The following DPP10 variants were observed in gnomAD, a reference collection of about 807,000 sequenced individuals.
DPP10 encodes the protein inactive dipeptidyl peptidase 10.
Under a neutral mutation model 120.9 loss-of-function variants are expected in DPP10, and 33 were observed. That is an observed-to-expected ratio of 0.27 (90% CI 0.21 to 0.37). The LOEUF is 0.37. DPP10 is among the 10% of genes least tolerant of loss of function. DPP10 has a pLI of 1.00. For missense variants in DPP10, 816 were observed against 942.8 expected (o/e 0.87, Z 1.76); for synonymous variants, 337 against 326.1 (o/e 1.03, Z -0.36).
chr2:114,509,937 T>TA (rs908521565), intron 1 of DPP10, among the ~76,000 whole-genome samples: 17 of 152,210 alleles, frequency 1.1e-4, no homozygotes, highest in African/African-American at 4.1e-4. Flanking sequence ...CACATGACTT[T>TA]AAAAAAATGT....
chr2:114,807,306 C>T (rs780757987), intron 1 of DPP10, among the ~76,000 whole-genome samples: 18 of 151,990 alleles, frequency 1.2e-4, no homozygotes, highest in Admixed American at 5.3e-4. Flanking sequence ...TTGGGGGGTA[C>T]GTCTTACATT....
At chr2:115,131,370 A>C (rs1454931794) in intron 1 of DPP10, among the ~76,000 whole-genome samples, 1 of 152,048 alleles carries the variant, frequency 6.6e-6, no homozygotes, top group East Asian at 1.9e-4. Context: ...AAAATTAGCC[A>C]GGCATATTGA....
chr2:114,903,535 G>A (rs146413334), intron 1 of DPP10, among the ~76,000 whole-genome samples: 1,661 of 152,262 alleles, frequency 0.011, 19 homozygotes, highest in Middle Eastern at 0.02. Context: ...GATGAGATAT[G>A]ATGGGGAGAA....
intron 24 of DPP10, among the ~76,000 whole-genome samples, chr2:115,837,880 G>C (rs1314952458): frequency 6.6e-6 from 1 of 151,586 alleles, no homozygotes; most frequent in African/African-American, 2.4e-5. Context: ...ATAGACCAGA[G>C]GAAGTTTAAA....
At chr2:115,005,842 A>T (rs868708440) in intron 1 of DPP10, among the ~76,000 whole-genome samples, 2 of 152,186 alleles carry the variant, frequency 1.3e-5, no homozygotes. Context: ...GCAGGCCAAC[A>T]TTCAGATTCA....
chr2:114,991,161 G>A (rs949107292), intron 1 of DPP10, among the ~76,000 whole-genome samples: 9 of 152,092 alleles, frequency 5.9e-5, no homozygotes, highest in Admixed American at 3.3e-4. Context: ...ATGTAGGCTT[G>A]GTTATGCTGG....
At chr2:114,919,129 A>G (rs757701266) in intron 1 of DPP10, among the ~76,000 whole-genome samples, 1 of 151,920 alleles carries the variant, frequency 6.6e-6, no homozygotes, top group Non-Finnish European at 1.5e-5. Flanking sequence ...TTTTATTGAG[A>G]TGAGGAAAGA....
intron 3 of DPP10, among the ~76,000 whole-genome samples, chr2:115,386,634 T>C (rs906789636): frequency 6.6e-6 from 1 of 152,174 alleles, no homozygotes; most frequent in African/African-American, 2.4e-5. Context: ...GATAAGGGTC[T>C]AAAGTTGTCT....
intron 1 of DPP10, among the ~76,000 whole-genome samples, chr2:115,047,210 C>G (rs1054540861): frequency 2.0e-5 from 3 of 152,044 alleles, no homozygotes; most frequent in African/African-American, 7.2e-5. Flanking sequence ...AAATAGACAA[C>G]TCATGCTGAG....
At chr2:114,937,418 G>A (rs2104541174) in intron 1 of DPP10, among the ~76,000 whole-genome samples, 1 of 152,240 alleles carries the variant, frequency 6.6e-6, no homozygotes, top group South Asian at 2.1e-4. Context: ...TTATTTCTGA[G>A]TTCAGAAAGT....
chr2:114,796,221 A>C (rs951979760), intron 1 of DPP10, among the ~76,000 whole-genome samples: 2 of 152,186 alleles, frequency 1.3e-5, no homozygotes, highest in Non-Finnish European at 2.9e-5. Context: ...GCCACTAGTG[A>C]TGCTGGAAGT....
chr2:115,308,903 T>C (rs899223527), intron 1 of DPP10, among the ~76,000 whole-genome samples: 1 of 152,078 alleles, frequency 6.6e-6, no homozygotes, highest in Non-Finnish European at 1.5e-5. Flanking sequence ...GTAGCAAGAA[T>C]ACATGTAAAT....
At chr2:114,479,700 A>G (rs1680844668) in intron 1 of DPP10, among the ~76,000 whole-genome samples, 1 of 152,218 alleles carries the variant, frequency 6.6e-6, no homozygotes, top group South Asian at 2.1e-4. Context: ...CTTACACCTT[A>G]TACAAAAGTT....
intron 1 of DPP10, among the ~76,000 whole-genome samples, chr2:114,510,041 C>T (rs1053219241): frequency 6.6e-6 from 1 of 152,084 alleles, no homozygotes; most frequent in African/African-American, 2.4e-5. Flanking sequence ...AAGCAAAACA[C>T]AGAAAAGGAG....
chr2:115,042,966 T>C (rs886759202), intron 1 of DPP10, among the ~76,000 whole-genome samples: 3 of 152,232 alleles, frequency 2.0e-5, no homozygotes, highest in African/African-American at 7.2e-5. Context: ...TTTAATAGTT[T>C]ATCTCAGCAA....
At chr2:115,546,658 A>T (rs572743322) in intron 5 of DPP10, among the ~76,000 whole-genome samples, 3 of 152,248 alleles carry the variant, frequency 2.0e-5, no homozygotes, top group Non-Finnish European at 4.4e-5. Context: ...TGATAATTAA[A>T]CTTATCAAAG....
chr2:115,560,148 A>G (rs955692528), intron 5 of DPP10, among the ~76,000 whole-genome samples: 20 of 151,106 alleles, frequency 1.3e-4, no homozygotes, highest in Admixed American at 7.3e-4. Flanking sequence ...AGGCGGGTGG[A>G]TCACGAGGTC....
intron 1 of DPP10, among the ~76,000 whole-genome samples, chr2:115,136,555 T>C (rs991380660): frequency 2.0e-5 from 3 of 152,178 alleles, no homozygotes; most frequent in African/African-American, 7.2e-5. Context: ...TGTATTTCTA[T>C]GTAATGACCT....
chr2:115,172,981 T>A (rs1291971185), intron 1 of DPP10, among the ~76,000 whole-genome samples: 1 of 152,210 alleles, frequency 6.6e-6, no homozygotes, highest in Non-Finnish European at 1.5e-5. Flanking sequence ...TGGGAGTTGG[T>A]TAAGAAGCTG....
Sources: gnomAD v4.1 joint callset for allele counts (sites outside exome capture counted in the v4.1 genomes callset) on GRCh38, gnomAD v4.1.1 for gene constraint, MANE v1.5 for transcripts, NCBI Gene and HGNC (gene_info 2026-07-23, HGNC 2026-07-21) for gene names.